PCDHGA1: variants seen among roughly 807,000 people sequenced by gnomAD.
PCDHGA1 encodes protocadherin gamma subfamily A, 1.
In PCDHGA1, 32 loss-of-function variants were observed where a neutral mutation model predicts 58.0. That is an observed-to-expected ratio of 0.55 (90% CI 0.42 to 0.74). PCDHGA1 has a LOEUF of 0.74. Among genes scored for constraint, PCDHGA1 ranks in the 30% least tolerant of loss-of-function variants. The pLI is 0.00. For synonymous variants in PCDHGA1, 498 were observed against 501.1 expected (o/e 0.99, Z 0.08); for missense variants, 1,205 against 1,182.3 (o/e 1.02, Z -0.28).
chr5:141,344,904 A>AT, intron 1 of PCDHGA1: 1 of 1,613,906 alleles, frequency 6.2e-7, no homozygotes, highest in Non-Finnish European at 8.5e-7. Flanking sequence ...AATCGCTGAG[A>AT]TTTTCCATCT....
At chr5:141,351,161 G>A (rs1758660586) in intron 1 of PCDHGA1, 6 of 1,614,026 alleles carry the variant, frequency 3.7e-6, no homozygotes, top group African/African-American at 1.3e-5. Context: ...CACAACCAAT[G>A]GCACATTGGA....
chr5:141,408,277 C>T (rs367948897), intron 1 of PCDHGA1: 2 of 1,611,980 alleles, frequency 1.2e-6, no homozygotes, highest in African/African-American at 1.3e-5. Context: ...TGCCTTTGTT[C>T]TACCCCACCC....
chr5:141,409,906 T>G (rs779572711), intron 1 of PCDHGA1: 2 of 1,613,096 alleles, frequency 1.2e-6, no homozygotes, highest in African/African-American at 2.7e-5. Flanking sequence ...CAGCTCTGGG[T>G]CCTGACGGCT....
intron 1 of PCDHGA1, chr5:141,357,111 G>C: frequency 6.2e-7 from 1 of 1,613,840 alleles, no homozygotes; most frequent in Admixed American, 1.7e-5. Context: ...ACAGAGACGC[G>C]CTCAAGCAGA....
chr5:141,359,428 G>A (rs1561518196), intron 1 of PCDHGA1, among the ~76,000 whole-genome samples: 1 of 151,478 alleles, frequency 6.6e-6, no homozygotes, highest in East Asian at 1.9e-4. Flanking sequence ...TGTTAGAATG[G>A]GCAGTGGGTT....
intron 1 of PCDHGA1, among the ~76,000 whole-genome samples, chr5:141,448,669 G>T: frequency 6.6e-6 from 1 of 152,136 alleles, no homozygotes; most frequent in East Asian, 1.9e-4. Flanking sequence ...GGCCGGGCGC[G>T]GTGGCTCACG....
chr5:141,383,038 G>A (rs1778741644), intron 1 of PCDHGA1: 1 of 1,613,858 alleles, frequency 6.2e-7, no homozygotes. Context: ...CTTTGTGGGA[G>A]ACATCGCCAA....
intron 1 of PCDHGA1, chr5:141,410,184 A>G: frequency 6.2e-7 from 1 of 1,613,918 alleles, no homozygotes; most frequent in Non-Finnish European, 8.5e-7. Flanking sequence ...GCCACGCTTC[A>G]TCTGGTCTTC....
intron 1 of PCDHGA1, chr5:141,399,285 C>G (rs751998465): frequency 6.2e-7 from 1 of 1,613,838 alleles, no homozygotes; most frequent in Non-Finnish European, 8.5e-7. Flanking sequence ...AAGGCGAAGT[C>G]CCTTTTAAGA....
chr5:141,442,797 G>A (rs140116155), intron 1 of PCDHGA1, among the ~76,000 whole-genome samples: 1,916 of 152,222 alleles, frequency 0.013, 22 homozygotes, highest in Non-Finnish European at 0.02. Context: ...ATTTTACTTT[G>A]ATATTCAAAT....
intron 1 of PCDHGA1, chr5:141,361,370 G>T: frequency 2.5e-6 from 4 of 1,613,942 alleles, no homozygotes; most frequent in Non-Finnish European, 3.4e-6. Flanking sequence ...GCTCTGGACC[G>T]GGAGGAGATC....
intron 1 of PCDHGA1, chr5:141,389,522 G>A: frequency 6.2e-7 from 1 of 1,613,178 alleles, no homozygotes; most frequent in Non-Finnish European, 8.5e-7. Context: ...ACGTGAGCCT[G>A]CGCGTGTTAG....
intron 1 of PCDHGA1, chr5:141,475,986 G>T: frequency 2.8e-6 from 3 of 1,089,866 alleles, no homozygotes; most frequent in Non-Finnish European, 3.9e-6. Context: ...CAGCCGGCGA[G>T]CAAATCAACG....
rs1001555249 is a variant in PCDHGA1, at chr5:141,486,728, G to A, written c.2422-8079G>A. The A allele has an allele frequency of 1.2e-6, 2 of 1,614,200 alleles. No homozygotes were observed. The highest frequency in any genetic ancestry group is 1.7e-6 in the Non-Finnish European group (2 of 1,180,052). On this transcript the variant is annotated intron_variant, in intron 1 of 3. Transcript: ENST00000517417. This position sits in a 1 kb window ranked among gnomAD's most constrained non-coding sequence, Gnocchi z 5.0. Reference sequence around the variant, plus strand: ...GAACCCCCAGACAGGAGCTGTTCATGCTACTCGATCCTTTGACTATGAGCA... The same window carrying A: ...GAACCCCCAGACAGGAGCTGTTCATACTACTCGATCCTTTGACTATGAGCA...
intron 1 of PCDHGA1, chr5:141,408,050 G>C: frequency 7.9e-7 from 1 of 1,259,544 alleles, no homozygotes; most frequent in South Asian, 1.6e-5. Context: ...CCCACACAGA[G>C]CCTCCCGGCT....
chr5:141,450,669 T>C (rs2098689726), intron 1 of PCDHGA1, among the ~76,000 whole-genome samples: 1 of 151,904 alleles, frequency 6.6e-6, no homozygotes, highest in Admixed American at 6.6e-5. Context: ...GTACTTTTAG[T>C]AGAAACGGGG....
intron 1 of PCDHGA1, chr5:141,433,145 G>C (rs2097571427): frequency 6.2e-7 from 1 of 1,613,922 alleles, no homozygotes; most frequent in Non-Finnish European, 8.5e-7. Flanking sequence ...GCTGTCAGGT[G>C]ATTCGGTATT....
intron 1 of PCDHGA1, among the ~76,000 whole-genome samples, chr5:141,449,588 C>CAA (rs768743917): frequency 2.4e-4 from 14 of 57,430 alleles, no homozygotes; most frequent in Non-Finnish European, 3.7e-4. Flanking sequence ...GACTCTGTCT[C>CAA]AAAAAAAAAA....
intron 1 of PCDHGA1, chr5:141,395,486 A>G: frequency 2.0e-6 from 1 of 510,062 alleles, no homozygotes; most frequent in Non-Finnish European, 3.4e-6. Flanking sequence ...TATTCCTATT[A>G]TCACTCATTC....
Sources: gnomAD v4.1 joint callset for allele counts (sites outside exome capture counted in the v4.1 genomes callset) on GRCh38, gnomAD v4.1.1 for gene constraint, Gnocchi (gnomAD v3.1) non-coding constraint, MANE v1.5 for transcripts, NCBI Gene and HGNC (gene_info 2026-07-23, HGNC 2026-07-21) for gene names.